Variants in ADH5 observed in about 807,000 individuals in gnomAD.
The protein encoded by ADH5 is alcohol dehydrogenase class-3.
In ADH5, 32 loss-of-function variants were observed where a neutral mutation model predicts 40.3. That is an observed-to-expected ratio of 0.79 (90% CI 0.60 to 1.07). ADH5 has a LOEUF of 1.07. ADH5 is among the 50% of genes least tolerant of loss of function. The probability of loss-of-function intolerance (pLI) is 0.00; values close to 1 mark genes in which losing one functional copy is unlikely to be tolerated. For missense variants in ADH5, 353 were observed against 460.5 expected (o/e 0.77, Z 2.14); for synonymous variants, 125 against 154.3 (o/e 0.81, Z 1.41).
At chr4:99,077,408 TCAC>T (rs1310540504) in intron 4 of ADH5, among the ~76,000 whole-genome samples, 1 of 151,936 alleles carries the variant, frequency 6.6e-6, no homozygotes, top group Non-Finnish European at 1.5e-5. Flanking sequence ...TGCAGGAGGT[TCAC>T]TTCAGCCCAG....
At chr4:99,088,197 G>A (rs1466600279) in intron 1 of ADH5, among the ~76,000 whole-genome samples, 1 of 152,184 alleles carries the variant, frequency 6.6e-6, no homozygotes, top group East Asian at 1.9e-4. Context: ...AAGGGACGTA[G>A]GGGTCTTTCC....
intron 1 of ADH5, among the ~76,000 whole-genome samples, chr4:99,088,252 T>C (rs778002768): frequency 3.9e-4 from 60 of 152,188 alleles, no homozygotes; most frequent in Non-Finnish European, 7.4e-4. Context: ...GTAGGCTCAA[T>C]TATGCAACAC....
intron 6 of ADH5, 176 bp downstream of exon 6, chr4:99,076,115 TG>T: frequency 6.3e-6 from 4 of 630,204 alleles, no homozygotes; most frequent in Non-Finnish European, 1.1e-5. Context: ...CATCCTTCCC[TG>T]AGCTGTTCTT....
chr4:99,075,041 T>A lies in ADH5; in HGVS notation c.834A>T (p.Ala278=). ...CIGNVKVMRA[A]LEACHKGWGV... is the part of the protein sequence containing the mutation. ...CCCAGCCCTTGTGACATGCCTCAAGTGCTGCTCTCTGCAGGCACAGAGATA... is the reference window on the plus strand; with the variant it reads ...CCCAGCCCTTGTGACATGCCTCAAGAGCTGCTCTCTGCAGGCACAGAGATA... The change falls in exon 7 of 9, where the codon GCA becomes GCT. Residue 278 remains alanine, a synonymous_variant. Transcript: ENST00000296412. 6.2e-7 allele frequency: 1 copy of A among 1,609,300 alleles called. No homozygotes were observed. The highest frequency in any genetic ancestry group is 8.5e-7 in the Non-Finnish European group (1 of 1,177,236).
intron 6 of ADH5, 96 bp from the exon 7 acceptor site, chr4:99,075,145 G>T: frequency 8.6e-7 from 1 of 1,158,014 alleles, no homozygotes. Flanking sequence ...AGTTTTTAAA[G>T]ATAATGGCAA....
Position 99,076,909 on chromosome 4 carries a change from T to C in ADH5, c.359A>G (p.Lys120Arg), listed in dbSNP as rs774883625. ...LCQKIRVTQGKGLMPDGTSRF... is the reference protein window; with the variant it reads ...LCQKIRVTQGRGLMPDGTSRF... ...GCTGGTACCATCTGGCATTAATCCT[T>C]TCCCTTGAGTGACTCTAAAGAAAAA... Residue 120 changes from lysine (K) to arginine (R), a missense_variant, in exon 5 of 9, where the codon AAA (lysine) becomes AGA (arginine). Coordinates refer to ENST00000296412, the MANE Select transcript of ADH5 (RefSeq NM_000671.4). 6.8e-6 allele frequency: 11 copies of C among 1,612,832 alleles called. No individual in the cohort carries two copies. Among genetic ancestry groups the C allele is most frequent in the Non-Finnish European group, 9.3e-6 (11 of 1,179,364 alleles).
At chr4:99,082,217 G>T in intron 2 of ADH5, 101 bp from the exon 3 acceptor site, 1 of 1,170,036 alleles carries the variant, frequency 8.5e-7, no homozygotes, top group South Asian at 2.1e-5. Context: ...ATATTTCATT[G>T]ACTCTAAGAC....
At chr4:99,083,804 G>A (rs1414281010) in intron 2 of ADH5, among the ~76,000 whole-genome samples, 1 of 151,918 alleles carries the variant, frequency 6.6e-6, no homozygotes, top group Non-Finnish European at 1.5e-5. Context: ...CTACTCTAAA[G>A]CACTAATTTT....
chr4:99,087,381 C>T (rs923840735), intron 1 of ADH5, among the ~76,000 whole-genome samples: 1 of 52,578 alleles, frequency 1.9e-5, no homozygotes, highest in East Asian at 6.2e-4. Context: ...GAAACTCCGT[C>T]TGAACTGGCG....
intron 4 of ADH5, chr4:99,079,809 C>G (rs1727994864): frequency 2.9e-6 from 1 of 343,458 alleles, no homozygotes; most frequent in Non-Finnish European, 5.6e-6. Flanking sequence ...AGTTTTATTA[C>G]TCTCACTTAC....
At position 99,088,697 on chromosome 4, in the gene ADH5, C is replaced by T. The variant is rs770985624; in HGVS notation, c.4G>A (p.Ala2Thr). 6.2e-7 allele frequency: 1 copy of T among 1,601,112 alleles called. No individual in the cohort carries two copies. Among genetic ancestry groups the T allele is most frequent in the Non-Finnish European group, 8.5e-7 (1 of 1,172,530 alleles). Reference sequence around the variant, plus strand: ...CGCTCAACGGGCCCTACCTCGTTCGCCATGTTCACGGATTCTGGTCGGCGC... The same window carrying T: ...CGCTCAACGGGCCCTACCTCGTTCGTCATGTTCACGGATTCTGGTCGGCGC... The part of the protein sequence containing the change: M[A>T]NEVIKCKAAV... Residue 2 changes from alanine to threonine, a missense_variant, in exon 1 of 9, where the codon GCG becomes ACG. Ala to Thr is a moderately conservative substitution (Grantham distance 58, BLOSUM62 0). Transcript: ENST00000296412.
chr4:99,083,558 C>G (rs905983268), intron 2 of ADH5, among the ~76,000 whole-genome samples: 3 of 139,522 alleles, frequency 2.2e-5, no homozygotes, highest in Non-Finnish European at 4.6e-5. Flanking sequence ...CGAGATCGCA[C>G]CACTGCACTC....
At chr4:99,074,651 A>G (rs891008791) in intron 7 of ADH5, among the ~76,000 whole-genome samples, 2 of 151,758 alleles carry the variant, frequency 1.3e-5, no homozygotes, top group African/African-American at 4.8e-5. Context: ...CACTATCAGA[A>G]TATTGATATT....
intron 6 of ADH5, 170 bp from the exon 7 acceptor site, chr4:99,075,219 TTTG>T: frequency 5.9e-5 from 21 of 357,808 alleles, no homozygotes; most frequent in Admixed American, 1.0e-4. Context: ...TTTAATTTTT[TTTG>T]TTGTTTTTTT....
chr4:99,081,457 A>T lies in ADH5; in HGVS notation c.257-5T>A. The T allele has an allele frequency of 1.9e-6, 3 of 1,587,490 alleles. No individual in the cohort carries two copies. The highest frequency in any genetic ancestry group is 1.7e-6 in the Non-Finnish European group (2 of 1,159,788). ...AAAGTGGGATGACAGTGTCACCTGGAAACAAATGCAAAGACATCCTGAATA... is the reference window on the plus strand; with the variant it reads ...AAAGTGGGATGACAGTGTCACCTGGTAACAAATGCAAAGACATCCTGAATA... On this transcript the variant is annotated splice_region_variant and splice_polypyrimidine_tract_variant and intron_variant, in intron 3 of 8. Transcript: ENST00000296412.
In ADH5 at chr4:99,075,085, C is replaced by A. The variant is rs374579100; in HGVS notation, c.826-36G>T. On this transcript the variant is annotated intron_variant, in intron 6 of 8. Transcript: ENST00000296412. Reference sequence around the variant, plus strand: ...AGAGATATGACCAAATCACAGAAGTCAGTGCATTTTCCTGAGAACAACTGC... The same window carrying A: ...AGAGATATGACCAAATCACAGAAGTAAGTGCATTTTCCTGAGAACAACTGC... 3 of 1,490,898 alleles carry A rather than the reference C, an allele frequency of 2.0e-6. No homozygotes were observed. In the South Asian group the frequency reaches 4.2e-5, roughly 21 times the overall value. 92.4% of individuals were successfully genotyped at this position (1,490,898 alleles called of 1,614,324 possible).
At chr4:99,084,370 G>A (rs971066545) in intron 2 of ADH5, among the ~76,000 whole-genome samples, 2 of 152,136 alleles carry the variant, frequency 1.3e-5, no homozygotes, top group African/African-American at 4.8e-5. Flanking sequence ...CATCTTCAAG[G>A]CTCATTATAG....
At chr4:99,084,059 C>A (rs950040597) in intron 2 of ADH5, among the ~76,000 whole-genome samples, 1 of 152,180 alleles carries the variant, frequency 6.6e-6, no homozygotes, top group Non-Finnish European at 1.5e-5. Flanking sequence ...GCTTATTACT[C>A]TATTCAATCA....
chr4:99,079,927 G>C, intron 4 of ADH5: 1 of 444,102 alleles, frequency 2.3e-6, no homozygotes, highest in Admixed American at 2.6e-5. Flanking sequence ...AATGGGTACA[G>C]AAAATTCTGT....
Sources: gnomAD v4.1 joint callset for allele counts (sites outside exome capture counted in the v4.1 genomes callset) on GRCh38, gnomAD v4.1.1 for gene constraint, MANE v1.5 for transcripts, NCBI Gene and HGNC (gene_info 2026-07-23, HGNC 2026-07-21) for gene names.